The following PDXK variants were observed in gnomAD, a reference collection of about 807,000 sequenced individuals.
PDXK encodes the protein epididymis secretory sperm binding protein Li 1a.
Under a neutral mutation model 43.2 loss-of-function variants are expected in PDXK, and 15 were observed. That is an observed-to-expected ratio of 0.35 (90% CI 0.23 to 0.53). The LOEUF is 0.53. Ranked by LOEUF, PDXK falls within the 20% of genes least tolerant of loss-of-function variation. The pLI is 0.92. For synonymous variants in PDXK, 172 were observed against 165.4 expected (o/e 1.04, Z -0.31); for missense variants, 343 against 417.0 (o/e 0.82, Z 1.54).
chr21:43,724,606 C>T (rs2083235528), intron 1 of PDXK, among the ~76,000 whole-genome samples: 1 of 151,142 alleles, frequency 6.6e-6, no homozygotes, highest in African/African-American at 2.5e-5. Context: ...CTTTAGGAGG[C>T]CGAGATGGGG....
chr21:43,742,131 C>T (rs1462085308), intron 3 of PDXK, among the ~76,000 whole-genome samples: 2 of 152,100 alleles, frequency 1.3e-5, no homozygotes, highest in African/African-American at 4.8e-5. Flanking sequence ...ACACTGCCAT[C>T]CTTTGTCAAC....
At chr21:43,740,347 G>A (rs2083475577) in intron 2 of PDXK, among the ~76,000 whole-genome samples, 1 of 152,138 alleles carries the variant, frequency 6.6e-6, no homozygotes, top group African/African-American at 2.4e-5. Context: ...ACAGGGCATG[G>A]CGCGTGGGCG....
Position 43,752,498 on chromosome 21 carries a change from G to GTGACCGGCCGTGGCTGACA in PDXK, c.511-20_511-19insTGACCGGCCGTGGCTGACA. The GTGACCGGCCGTGGCTGACA allele has an allele frequency of 6.4e-7, 1 of 1,550,516 alleles. No homozygotes were observed. Among genetic ancestry groups the GTGACCGGCCGTGGCTGACA allele is most frequent in the Non-Finnish European group, 8.9e-7 (1 of 1,127,920 alleles). ...TGACATGTGACCGGCCGTGGCTGACGCTCCCTGTGCCACTGCTAGGTGATG... is the reference window on the plus strand; with the variant it reads ...TGACATGTGACCGGCCGTGGCTGACGTGACCGGCCGTGGCTGACACTCCCTGTGCCACTGCTAGGTGATG... On this transcript the variant is annotated intron_variant, in intron 7 of 10. Transcript: ENST00000291565.
At chr21:43,725,088 C>A (rs2083240466) in intron 1 of PDXK, among the ~76,000 whole-genome samples, 1 of 152,104 alleles carries the variant, frequency 6.6e-6, no homozygotes, top group African/African-American at 2.4e-5. Context: ...CTTTGGGAGG[C>A]TGAGGCAGGC....
intron 1 of PDXK, among the ~76,000 whole-genome samples, chr21:43,721,297 C>G (rs2147199144): frequency 6.6e-6 from 1 of 152,382 alleles, no homozygotes; most frequent in Middle Eastern, 3.4e-3. Context: ...TCCCCAAAGT[C>G]TAGAGCTGCT....
In PDXK at chr21:43,752,625, G is replaced by A; in HGVS notation, c.618G>A (p.Arg206=). The A allele has an allele frequency of 6.3e-7, 1 of 1,599,612 alleles. No homozygotes were observed. Residue 206 remains arginine, a synonymous_variant, in exon 8 of 11, where the codon AGG becomes AGA. Transcript: ENST00000291565. ...SNYLIVLGSQ[R]RRNPAGSVVM... Reference sequence around the variant, plus strand: ...ACCTGATTGTGCTGGGGAGTCAGAGGAGGAGTAAGTGCCCCCATCGTGCAC... The same window carrying A: ...ACCTGATTGTGCTGGGGAGTCAGAGAAGGAGTAAGTGCCCCCATCGTGCAC...
chr21:43,736,928 C>G, intron 2 of PDXK: 1 of 700,786 alleles, frequency 1.4e-6, no homozygotes, highest in South Asian at 1.5e-5. Context: ...GACTCCACGC[C>G]CAGTCTTTTC....
chr21:43,742,643 T>C (rs1254394467), intron 3 of PDXK, among the ~76,000 whole-genome samples: 1 of 152,056 alleles, frequency 6.6e-6, no homozygotes, highest in Non-Finnish European at 1.5e-5. Flanking sequence ...TTGGGAAGAC[T>C]AGGAGGGAGG....
At position 43,750,541 on chromosome 21, in the gene PDXK, T is replaced by C. The variant is rs1290132380; in HGVS notation, c.506T>C (p.Leu169Ser). The C allele has an allele frequency of 3.7e-6, 6 of 1,612,746 alleles. No homozygotes were observed. The highest frequency in any genetic ancestry group is 5.1e-6 in the Non-Finnish European group (6 of 1,179,254). ...GRKIHSQEEA[L>S]RVMDMLHSMG... The stretch of plus-strand genomic sequence containing the variant: ...AAGATCCACAGCCAGGAGGAAGCCT[T>C]GCGGGTAAGGAGGCCCTCTGGGGCC... The change falls in exon 7 of 11, where the codon TTG becomes TCG. Residue 169 changes from leucine to serine, a missense_variant. Transcript: ENST00000291565.
chr21:43,720,661 C>A (rs1601775484), intron 1 of PDXK, among the ~76,000 whole-genome samples: 1 of 152,252 alleles, frequency 6.6e-6, no homozygotes, highest in East Asian at 1.9e-4. Context: ...CTGCTCTGGA[C>A]CACTCCTAGC....
rs1380571411 is a variant in PDXK at position 43,753,577 on chromosome 21, C to G, written c.623-6C>G. The G allele has an allele frequency of 1.2e-6, 2 of 1,608,922 alleles. No homozygotes were observed. Among genetic ancestry groups the G allele is most frequent in the Admixed American group, 1.7e-5 (1 of 59,722 alleles). On this transcript the variant is annotated splice_polypyrimidine_tract_variant and splice_region_variant and intron_variant, in intron 8 of 10. Transcript: ENST00000291565. ...CTCAGTGACCTTGCCCATCTTCTCCCCCTAGGGAATCCCGCTGGCTCCGTG... is the reference window on the plus strand; with the variant it reads ...CTCAGTGACCTTGCCCATCTTCTCCGCCTAGGGAATCCCGCTGGCTCCGTG...
At chr21:43,742,885 A>C (rs1187354903) in intron 3 of PDXK, among the ~76,000 whole-genome samples, 1 of 152,148 alleles carries the variant, frequency 6.6e-6, no homozygotes, top group Non-Finnish European at 1.5e-5. Flanking sequence ...ATAAGATTAA[A>C]GTGTCATATG....
chr21:43,749,804 C>G (rs2083702652), intron 6 of PDXK, among the ~76,000 whole-genome samples: 1 of 152,202 alleles, frequency 6.6e-6, no homozygotes, highest in African/African-American at 2.4e-5. Context: ...GCCAGGTCAC[C>G]TGCCGCCCTG....
chr21:43,732,207 C>T lies in PDXK; in HGVS notation c.88-1862C>T. ...GGGAGCCACTGCTGTACAGAGATGC[C>T]AATTCCAGAGGCATGGTCCGGCACA... On this transcript the variant is annotated intron_variant, in intron 1 of 10. Transcript: ENST00000291565. This position sits in a 1 kb window ranked among gnomAD's most constrained non-coding sequence, Gnocchi z 4.1. 7.0e-7 allele frequency: 1 copy of T among 1,437,288 alleles called. No homozygotes were observed. Among genetic ancestry groups the T allele is most frequent in the Non-Finnish European group, 9.1e-7 (1 of 1,101,056 alleles). The allele number at this position is 1,437,288 out of a possible 1,614,324, so 89.0% of individuals were successfully genotyped here.
In PDXK at chr21:43,737,637, A is replaced by G. The variant is rs1457468245; in HGVS notation, c.142+3514A>G. On this transcript the variant is annotated intron_variant, in intron 2 of 10. Coordinates refer to ENST00000291565, the MANE Select transcript of PDXK (RefSeq NM_003681.5). This position sits in a 1 kb window ranked among gnomAD's most constrained non-coding sequence, Gnocchi z 4.8. The stretch of plus-strand genomic sequence containing the variant: ...TGCAGGGAAGGGGCAGCTGGTGTGA[A>G]CACAAGGAGCTGCGGGGCTGGAGAA... The G allele has an allele frequency of 9.1e-6, 9 of 987,896 alleles. No individual in the cohort carries two copies. Among genetic ancestry groups the G allele is most frequent in the Non-Finnish European group, 1.1e-5 (9 of 831,340 alleles). The allele number at this position is 987,896 out of a possible 1,614,324, so 61.2% of individuals were successfully genotyped here.
At chr21:43,750,183 T>TGTCA (rs2083710059) in intron 6 of PDXK, among the ~76,000 whole-genome samples, 1 of 152,258 alleles carries the variant, frequency 6.6e-6, no homozygotes, top group South Asian at 2.1e-4. Context: ...TTTGTATGGA[T>TGTCA]GTCAGTCACC....
intron 3 of PDXK, 142 bp downstream of exon 3, chr21:43,741,913 C>G: frequency 1.5e-6 from 1 of 657,706 alleles, no homozygotes; most frequent in Admixed American, 2.7e-5. Context: ...GCCCAAGCCA[C>G]CATCACACCC....
chr21:43,740,607 C>T (rs2083481454), intron 2 of PDXK, among the ~76,000 whole-genome samples: 1 of 151,904 alleles, frequency 6.6e-6, no homozygotes, highest in African/African-American at 2.4e-5. Context: ...TCAGGTTCCG[C>T]AGTGCAGGAA....
At chr21:43,743,842 G>T (rs1169713727) in intron 4 of PDXK, 35 bp downstream of exon 4, 1 of 1,489,152 alleles carries the variant, frequency 6.7e-7, no homozygotes, top group South Asian at 1.1e-5. Context: ...CTGGCTGTGT[G>T]GCCCCACACG....
Sources: allele counts gnomAD v4.1 joint callset (sites outside exome capture counted in the v4.1 genomes callset), GRCh38; gene constraint gnomAD v4.1.1; non-coding constraint Gnocchi (gnomAD v3.1); transcripts MANE v1.5; gene names NCBI Gene and HGNC (gene_info 2026-07-23, HGNC 2026-07-21).